PRKN: variants seen among roughly 807,000 people sequenced by gnomAD.
PRKN encodes the protein E3 ubiquitin-protein ligase parkin.
PRKN carries 56 observed loss-of-function variants against 59.5 expected under a neutral mutation model. The observed-to-expected ratio is 0.94, with a 90% CI of 0.76 to 1.18. The LOEUF (loss-of-function observed/expected upper bound fraction) is 1.18, where lower values mean the gene tolerates loss of function less well. PRKN is among the 50% of genes most tolerant of loss of function. The pLI, the probability that PRKN is intolerant of heterozygous loss-of-function variation, is 0.00. For synonymous variants in PRKN, 250 were observed against 222.1 expected (o/e 1.13, Z -1.12); for missense variants, 657 against 596.4 (o/e 1.10, Z -1.06).
intron 7 of PRKN, among the ~76,000 whole-genome samples, chr6:161,618,609 C>T (rs1767745121): frequency 6.6e-6 from 1 of 152,134 alleles, no homozygotes; most frequent in African/African-American, 2.4e-5. Flanking sequence ...AATTCTATTG[C>T]ACTGCCGCAT....
intron 6 of PRKN, among the ~76,000 whole-genome samples, chr6:161,918,059 A>G (rs921117549): frequency 6.6e-6 from 1 of 152,244 alleles, no homozygotes; most frequent in Non-Finnish European, 1.5e-5. Flanking sequence ...GCAATTTACA[A>G]CAACAAAGAA....
At chr6:162,255,875 A>C (rs1474317567) in intron 3 of PRKN, among the ~76,000 whole-genome samples, 2 of 152,218 alleles carry the variant, frequency 1.3e-5, no homozygotes, top group East Asian at 3.8e-4. Flanking sequence ...AACGATTTTC[A>C]TTTAATCCAC....
chr6:161,504,746 T>C (rs1309180853), intron 9 of PRKN, among the ~76,000 whole-genome samples: 3 of 146,172 alleles, frequency 2.1e-5, no homozygotes, highest in Admixed American at 7.0e-5. Context: ...CATTGTTCAA[T>C]TCCCACCTAT....
At chr6:162,288,365 C>A (rs1781285762) in intron 2 of PRKN, among the ~76,000 whole-genome samples, 1 of 152,096 alleles carries the variant, frequency 6.6e-6, no homozygotes, top group Non-Finnish European at 1.5e-5. Context: ...AGAATGCCAC[C>A]CGTGTGATTA....
chr6:162,419,738 A>C (rs2128158855), intron 2 of PRKN, among the ~76,000 whole-genome samples: 1 of 151,360 alleles, frequency 6.6e-6, no homozygotes, highest in South Asian at 2.1e-4. Context: ...CTATAATGAC[A>C]GAGAGAGAGA....
Position 161,371,412 on chromosome 6 carries a change from G to A in PRKN, c.1168-11207C>T, listed in dbSNP as rs894347742. Reference sequence around the variant, plus strand: ...ACTCCTGACCTCAGGTGATCTGCCCGCCTCCGTCTCCCAAAGTGCTTGGAT... The same window carrying A: ...ACTCCTGACCTCAGGTGATCTGCCCACCTCCGTCTCCCAAAGTGCTTGGAT... On this transcript the variant is annotated intron_variant, in intron 10 of 11. Transcript: ENST00000366898. This position sits in a 1 kb window ranked among gnomAD's most constrained non-coding sequence, Gnocchi z 5.5. Among the ~76,000 whole-genome samples, 12 of 151,972 alleles carry A rather than the reference G, an allele frequency of 7.9e-5. No homozygotes were observed. Among genetic ancestry groups the A allele is most frequent in the East Asian group, 5.8e-4 (3 of 5,138 alleles).
chr6:161,434,853 T>C (rs1296182478), intron 9 of PRKN, among the ~76,000 whole-genome samples: 1 of 151,884 alleles, frequency 6.6e-6, no homozygotes, highest in Non-Finnish European at 1.5e-5. Context: ...TCTTTAAAAA[T>C]AAAACAAAAA....
At chr6:162,141,652 GAAACTT>G (rs1490668313) in intron 4 of PRKN, among the ~76,000 whole-genome samples, 1 of 152,146 alleles carries the variant, frequency 6.6e-6, no homozygotes, top group Non-Finnish European at 1.5e-5. Flanking sequence ...TGGTAATAGA[GAAACTT>G]AAAAAGCATC....
intron 3 of PRKN, among the ~76,000 whole-genome samples, chr6:162,247,382 C>T (rs974147500): frequency 1.3e-5 from 2 of 151,866 alleles, no homozygotes; most frequent in African/African-American, 4.8e-5. Context: ...GAAATGACAC[C>T]GTGAAAGATA....
intron 1 of PRKN, among the ~76,000 whole-genome samples, chr6:162,713,227 G>A (rs1180319109): frequency 6.6e-6 from 1 of 152,178 alleles, no homozygotes; most frequent in Admixed American, 6.5e-5. Context: ...CTTTGGCCAG[G>A]CTCACGCCTG....
At chr6:161,659,590 C>CT (rs1451568031) in intron 7 of PRKN, among the ~76,000 whole-genome samples, 21 of 152,152 alleles carry the variant, frequency 1.4e-4, no homozygotes, top group African/African-American at 5.1e-4. Context: ...GGGACTCTCA[C>CT]TGGGAAGGGG....
At chr6:161,585,907 T>C (rs1220441455) in intron 7 of PRKN, among the ~76,000 whole-genome samples, 1 of 152,190 alleles carries the variant, frequency 6.6e-6, no homozygotes, top group African/African-American at 2.4e-5. Flanking sequence ...TAACCTCTTA[T>C]GTATGTATTT....
Position 162,262,614 on chromosome 6 carries a change from C to G in PRKN, c.323G>C (p.Ser108Thr), listed in dbSNP as rs755641313. Residue 108 changes from serine to threonine, a missense_variant, in exon 3 of 12, where the codon AGC becomes ACC. Ser to Thr is a moderately conservative substitution (Grantham distance 58, BLOSUM62 1). Transcript: ENST00000366898. ...AGAGTCTCCTGGGAGGACTGAGCTG[C>G]TGAGGTCCACCCGAGTCAAGCTCTG... Reference protein sequence around the residue: ...EPQSLTRVDLSSSVLPGDSVG... With the variant: ...EPQSLTRVDLTSSVLPGDSVG... 12 of 1,613,774 alleles carry G rather than the reference C, an allele frequency of 7.4e-6. No individual in the cohort carries two copies. The Admixed American group carries it at 2.0e-4, about 27-fold the overall frequency.
At chr6:162,429,422 G>C (rs1434450012) in intron 2 of PRKN, among the ~76,000 whole-genome samples, 2 of 152,150 alleles carry the variant, frequency 1.3e-5, no homozygotes, top group Non-Finnish European at 2.9e-5. Flanking sequence ...CAGTGAAAGA[G>C]GAACTCAAGA....
At chr6:162,688,755 C>T (rs1049842419) in intron 1 of PRKN, among the ~76,000 whole-genome samples, 2 of 152,176 alleles carry the variant, frequency 1.3e-5, no homozygotes, top group African/African-American at 4.8e-5. Flanking sequence ...TATTTGCTCT[C>T]TCATTGCCTA....
At chr6:162,168,274 T>C (rs2128318812) in intron 4 of PRKN, among the ~76,000 whole-genome samples, 1 of 152,238 alleles carries the variant, frequency 6.6e-6, no homozygotes, top group South Asian at 2.1e-4. Context: ...TTATCATAGG[T>C]ACAGGCTTAA....
chr6:162,596,001 C>T (rs1055912921), intron 1 of PRKN, among the ~76,000 whole-genome samples: 3 of 151,510 alleles, frequency 2.0e-5, no homozygotes, highest in Admixed American at 6.6e-5. Flanking sequence ...AACTCAGATA[C>T]ATCTGGTGAA....
intron 6 of PRKN, among the ~76,000 whole-genome samples, chr6:161,790,840 G>A (rs1375796447): frequency 5.3e-5 from 8 of 152,322 alleles, no homozygotes; most frequent in South Asian, 2.1e-4. Context: ...GTTTAGCTCC[G>A]ACAGAAGTAT....
At chr6:162,237,060 G>A (rs1778763073) in intron 3 of PRKN, among the ~76,000 whole-genome samples, 1 of 152,104 alleles carries the variant, frequency 6.6e-6, no homozygotes, top group African/African-American at 2.4e-5. Context: ...CTAAGCCCCT[G>A]CAATAATCCT....
Sources: allele counts gnomAD v4.1 joint callset (sites outside exome capture counted in the v4.1 genomes callset), GRCh38; gene constraint gnomAD v4.1.1; non-coding constraint Gnocchi (gnomAD v3.1); transcripts MANE v1.5; gene names NCBI Gene and HGNC (gene_info 2026-07-23, HGNC 2026-07-21).